Variants in ALDH1A1 observed in about 807,000 individuals in gnomAD.
ALDH1A1 encodes the protein aldehyde dehydrogenase 1 family member A1.
Under a neutral mutation model 62.1 loss-of-function variants are expected in ALDH1A1, and 19 were observed. The ratio of observed to expected loss-of-function variants is 0.31; its 90% CI spans 0.21 to 0.45. ALDH1A1 has a LOEUF of 0.45. Ranked by LOEUF, ALDH1A1 falls within the 20% of genes least tolerant of loss-of-function variation. The probability of loss-of-function intolerance (pLI) is 1.00; values close to 1 mark genes in which losing one functional copy is unlikely to be tolerated. For synonymous variants in ALDH1A1, 231 were observed against 215.9 expected (o/e 1.07, Z -0.61); for missense variants, 521 against 607.1 (o/e 0.86, Z 1.49).
chr9:72,941,180 C>T (rs1461665676), intron 1 of ALDH1A1, among the ~76,000 whole-genome samples: 3 of 152,060 alleles, frequency 2.0e-5, no homozygotes, highest in Non-Finnish European at 2.9e-5. Context: ...AGGAAGGTGA[C>T]ATATGTGCTG....
rs11554426 is a variant in ALDH1A1, at chr9:72,940,200, A to G, written c.119T>C (p.Val40Ala). 6.2e-7 allele frequency: 1 copy of G among 1,613,864 alleles called. No individual in the cohort carries two copies. The highest frequency in any genetic ancestry group is 1.3e-5 in the African/African-American group (1 of 75,030). Residue 40 changes from valine to alanine, a missense_variant, in exon 2 of 13, where the codon GTC (valine) becomes GCC (alanine). Coordinates refer to ENST00000297785, the MANE Select transcript of ALDH1A1 (RefSeq NM_000689.5). ...HDSVSGKKFP[V>A]FNPATEEELC... ...CTCCTCCTCAGTTGCAGGATTAAAG[A>G]CAGGAAATTTCTTGCCACTCACTGA... is the stretch of plus-strand genomic sequence containing the variant.
intron 7 of ALDH1A1, among the ~76,000 whole-genome samples, chr9:72,920,478 A>G (rs949797418): frequency 6.6e-6 from 1 of 152,026 alleles, no homozygotes; most frequent in African/African-American, 2.4e-5. Flanking sequence ...TTCTTTCTGA[A>G]TTTTTTTTAT....
At position 72,918,844 on chromosome 9, in the gene ALDH1A1, G is replaced by A. The variant is rs759848983; in HGVS notation, c.748-22C>T. The A allele has an allele frequency of 3.8e-6, 6 of 1,576,768 alleles. No homozygotes were observed. The African/African-American group carries it at 8.1e-5, about 21-fold the overall frequency. On this transcript the variant is annotated intron_variant, in intron 7 of 12. Transcript: ENST00000297785. Reference sequence around the variant, plus strand: ...CAACCTGAAAGGGAGCATTACAAAGGAGGAGGCTTACCCTGCTCTCATGAA... The same window carrying A: ...CAACCTGAAAGGGAGCATTACAAAGAAGGAGGCTTACCCTGCTCTCATGAA...
At chr9:72,914,714 G>T (rs1830038282) in intron 9 of ALDH1A1, among the ~76,000 whole-genome samples, 1 of 131,442 alleles carries the variant, frequency 7.6e-6, no homozygotes, top group Admixed American at 8.6e-5. Flanking sequence ...TGAATCCACA[G>T]ATATAATACA....
At chr9:72,930,826 C>T in intron 3 of ALDH1A1, 53 bp downstream of exon 3, 3 of 1,605,670 alleles carry the variant, frequency 1.9e-6, no homozygotes, top group East Asian at 4.5e-5. Flanking sequence ...CCATTTCAAA[C>T]GCTGAATGCT....
chr9:72,929,478 T>C lies in ALDH1A1; in HGVS notation c.313-457A>G, dbSNP rs8187920. ...TTACATTCCATCTGGATATACACAG[T>C]CTACTCACACAAACTTAAGTAATGC... On this transcript the variant is annotated intron_variant, in intron 3 of 12. Coordinates refer to ENST00000297785, the MANE Select transcript of ALDH1A1 (RefSeq NM_000689.5). Among the ~76,000 whole-genome samples the C allele has an allele frequency of 8.6e-3, 1,308 of 152,322 alleles. 21 individuals carry two copies. Among genetic ancestry groups the C allele is most frequent in the African/African-American group, 0.03 (1,242 of 41,572 alleles).
chr9:72,906,996 CCAAA>C (rs914427863), intron 11 of ALDH1A1, among the ~76,000 whole-genome samples: 4 of 151,978 alleles, frequency 2.6e-5, no homozygotes, highest in Non-Finnish European at 4.4e-5. Flanking sequence ...AGAAAACCAA[CCAAA>C]CAAACAAACA....
intron 11 of ALDH1A1, among the ~76,000 whole-genome samples, chr9:72,908,552 GAAGAAAGA>G (rs141763068): frequency 0.15 from 13,525 of 91,282 alleles, 1,227 homozygotes; most frequent in East Asian, 0.18. Context: ...AGAAAAGAAA[GAAGAAAGA>G]AAGAAAGAAA....
rs973936519 is a variant in ALDH1A1 at position 72,916,988 on chromosome 9, T to A, written c.967A>T (p.Ser323Cys). Residue 323 changes from serine to cysteine, a missense_variant, in exon 9 of 13, where the codon AGT (serine) becomes TGT (cysteine). Transcript: ENST00000297785. ...ATATACTTCTTAGCCCGCTCAACAC[T>A]CCTTCGAACAAACTCATCATAAATT... The part of the protein sequence containing the change: ...ESIYDEFVRR[S>C]VERAKKYILG... The A allele has an allele frequency of 6.2e-7, 1 of 1,613,894 alleles. No individual in the cohort carries two copies. The highest frequency in any genetic ancestry group is 8.5e-7 in the Non-Finnish European group (1 of 1,179,868).
At chr9:72,933,592 C>CAAAAAAAAAAAAAAAAAAGAAA (rs1830310331) in intron 2 of ALDH1A1, among the ~76,000 whole-genome samples, 2 of 111,732 alleles carry the variant, frequency 1.8e-5, no homozygotes, top group Non-Finnish European at 3.6e-5. Context: ...CATCTCAAAA[C>CAAAAAAAAAAAAAAAAAAGAAA]AAAAAAAAAA....
intron 10 of ALDH1A1, among the ~76,000 whole-genome samples, chr9:72,910,963 G>A (rs348475): frequency 0.55 from 83,351 of 151,902 alleles, 23,419 homozygotes; most frequent in African/African-American, 0.68. Context: ...CTGTTCTACT[G>A]TATATTAATA....
At chr9:72,918,587 T>C (rs1359720683) in intron 8 of ALDH1A1, 133 bp downstream of exon 8, 2 of 622,100 alleles carry the variant, frequency 3.2e-6, no homozygotes, top group Non-Finnish European at 2.7e-6. Context: ...TTTGGACTCT[T>C]TACACTTTGA....
chr9:72,907,683 TC>T (rs1477252343), intron 11 of ALDH1A1, among the ~76,000 whole-genome samples: 1 of 152,224 alleles, frequency 6.6e-6, no homozygotes, highest in East Asian at 1.9e-4. Context: ...TGCAAGCGTT[TC>T]CTCATGTGTA....
intron 11 of ALDH1A1, among the ~76,000 whole-genome samples, chr9:72,908,391 C>T (rs1396893363): frequency 7.7e-6 from 1 of 130,108 alleles, no homozygotes; most frequent in African/African-American, 3.0e-5. Context: ...TCCAAGATCG[C>T]ACCATTGCAC....
At chr9:72,932,246 G>A (rs1468919628) in intron 2 of ALDH1A1, among the ~76,000 whole-genome samples, 4 of 152,008 alleles carry the variant, frequency 2.6e-5, no homozygotes, top group Non-Finnish European at 5.9e-5. Context: ...TTAAGAATTG[G>A]GGGAGAGAAA....
Position 72,906,015 on chromosome 9 carries a change from A to G in ALDH1A1, c.1376T>C (p.Val459Ala). The G allele has an allele frequency of 6.2e-7, 1 of 1,612,144 alleles. No homozygotes were observed. The highest frequency in any genetic ancestry group is 8.5e-7 in the Non-Finnish European group (1 of 1,178,878). The change falls in exon 12 of 13, where the codon GTG becomes GCG. Residue 459 changes from valine to alanine, a missense_variant. By Grantham distance (64) the Val-to-Ala change is moderately conservative. Transcript: ENST00000297785. The stretch of plus-strand genomic sequence containing the variant: ...ACCAAAGGGGCACTGGGCACTTACC[A>G]CGCCATAGCAATTCACCCTGAAGGA... ...AGTVWVNCYG[V>A]VSAQCPFGGF...
At chr9:72,933,078 CATCTT>C (rs1358215209) in intron 2 of ALDH1A1, among the ~76,000 whole-genome samples, 3 of 152,186 alleles carry the variant, frequency 2.0e-5, no homozygotes, top group African/African-American at 7.2e-5. Context: ...CCTTTTCTCA[CATCTT>C]ATATGTAATC....
At chr9:72,951,291 T>C (rs541168027) in intron 1 of ALDH1A1, among the ~76,000 whole-genome samples, 2 of 151,988 alleles carry the variant, frequency 1.3e-5, no homozygotes, top group African/African-American at 4.8e-5. Context: ...TCTGTGCTTG[T>C]ATGTTAGATT....
intron 11 of ALDH1A1, among the ~76,000 whole-genome samples, chr9:72,909,313 C>G (rs3780833): frequency 6.6e-6 from 1 of 151,486 alleles, no homozygotes; most frequent in African/African-American, 2.4e-5. Context: ...GGCATCACAC[C>G]CATCTAATTT....
Sources: gnomAD v4.1 joint callset for allele counts (sites outside exome capture counted in the v4.1 genomes callset) on GRCh38, gnomAD v4.1.1 for gene constraint, MANE v1.5 for transcripts, NCBI Gene and HGNC (gene_info 2026-07-23, HGNC 2026-07-21) for gene names.